ENAH: variants seen among roughly 807,000 people sequenced by gnomAD.
ENAH encodes ENAH actin regulator, also known as protein enabled homolog.
ENAH carries 23 observed loss-of-function variants against 78.7 expected under a neutral mutation model. That is an observed-to-expected ratio of 0.29 (90% confidence interval 0.21 to 0.41). ENAH has a LOEUF of 0.41. Among genes scored for constraint, ENAH ranks in the 10% least tolerant of loss-of-function variants. ENAH has a pLI of 1.00. For missense variants in ENAH, 544 were observed against 691.0 expected (o/e 0.79, Z 2.39); for synonymous variants, 226 against 241.0 (o/e 0.94, Z 0.58).
chr1:225,584,702 G>A (rs2096836735), intron 1 of ENAH, among the ~76,000 whole-genome samples: 1 of 151,014 alleles, frequency 6.6e-6, no homozygotes, highest in Admixed American at 6.6e-5. Context: ...ATAAACATTG[G>A]TAAGCAACAA....
chr1:225,519,119 A>G, intron 5 of ENAH, 79 bp downstream of exon 5: 1 of 1,534,748 alleles, frequency 6.5e-7, no homozygotes, highest in Non-Finnish European at 8.8e-7. Context: ...CAAATGTGAA[A>G]TATTTTAACA....
chr1:225,596,427 A>G (rs1490459529), intron 1 of ENAH, among the ~76,000 whole-genome samples: 1 of 152,216 alleles, frequency 6.6e-6, no homozygotes, highest in East Asian at 1.9e-4. Context: ...GATCTCTTAA[A>G]CAAAAAGGTT....
At chr1:225,621,675 T>C (rs923257683) in intron 1 of ENAH, among the ~76,000 whole-genome samples, 3 of 152,198 alleles carry the variant, frequency 2.0e-5, no homozygotes, top group Non-Finnish European at 2.9e-5. Flanking sequence ...AAATTCTTCA[T>C]TGGCTTTTGT....
chr1:225,597,350 A>C (rs2096906620), intron 1 of ENAH, among the ~76,000 whole-genome samples: 1 of 152,124 alleles, frequency 6.6e-6, no homozygotes, highest in Non-Finnish European at 1.5e-5. Flanking sequence ...AGACTGAGGA[A>C]TTGTTCTATA....
chr1:225,594,407 C>A (rs1384001205), intron 1 of ENAH, among the ~76,000 whole-genome samples: 1 of 152,130 alleles, frequency 6.6e-6, no homozygotes, highest in Non-Finnish European at 1.5e-5. Flanking sequence ...TCCTTCCTTT[C>A]CTCCATCACC....
chr1:225,576,070 T>C (rs536032936), intron 1 of ENAH, among the ~76,000 whole-genome samples: 2 of 152,188 alleles, frequency 1.3e-5, no homozygotes, highest in East Asian at 3.9e-4. Context: ...GAATCAGCTG[T>C]GCAGCCTGGG....
intron 1 of ENAH, among the ~76,000 whole-genome samples, chr1:225,571,545 A>T (rs1024100549): frequency 1.3e-5 from 2 of 152,006 alleles, no homozygotes; most frequent in Admixed American, 1.3e-4. Flanking sequence ...TTGGTATACT[A>T]ATGAGATGAT....
At chr1:225,630,613 AT>A (rs1464060667) in intron 1 of ENAH, among the ~76,000 whole-genome samples, 3 of 152,210 alleles carry the variant, frequency 2.0e-5, no homozygotes, top group Non-Finnish European at 4.4e-5. Flanking sequence ...TTTTATCACA[AT>A]TTTTAGAAGG....
At chr1:225,604,726 G>C (rs1026923108) in intron 1 of ENAH, among the ~76,000 whole-genome samples, 1 of 152,102 alleles carries the variant, frequency 6.6e-6, no homozygotes, top group Non-Finnish European at 1.5e-5. Flanking sequence ...CCATGAGGCA[G>C]GGGTTGCAGT....
rs1216310537 is a variant in ENAH, at chr1:225,489,237, C to T, written c.*8538G>A. 3 of 152,168 alleles carry T rather than the reference C, an allele frequency of 2.0e-5. No individual in the cohort carries two copies. The East Asian group carries it at 5.8e-4, about 29-fold the overall frequency. The allele number at this position is 152,168 out of a possible 1,614,324, so 9.4% of individuals were successfully genotyped here. A position where few individuals can be genotyped will look rare whatever the true frequency, so the allele number is the denominator to read the frequency against. ...GCATGGATCTCGTGTGGTCCCATTA[C>T]ATGATTGGAATCAGTCTTTCTGAAC... On this transcript the variant is annotated 3_prime_UTR_variant, in exon 14 of 14. Transcript: ENST00000366843.
intron 2 of ENAH, among the ~76,000 whole-genome samples, chr1:225,555,672 A>G (rs1295650750): frequency 1.3e-5 from 2 of 152,186 alleles, no homozygotes; most frequent in Admixed American, 6.5e-5. Flanking sequence ...CAAATACAAA[A>G]AAGTATACAC....
intron 1 of ENAH, among the ~76,000 whole-genome samples, chr1:225,602,114 CA>C (rs1298930453): frequency 2.0e-5 from 3 of 151,710 alleles, no homozygotes; most frequent in African/African-American, 7.3e-5. Context: ...AAAGAAGATC[CA>C]AAAGAAGAGA....
chr1:225,512,518 C>A, intron 9 of ENAH, 139 bp downstream of exon 9: 1 of 794,326 alleles, frequency 1.3e-6, no homozygotes, highest in Non-Finnish European at 1.9e-6. Flanking sequence ...CAAGCCACTT[C>A]ACATGCATAG....
At chr1:225,648,855 T>C (rs1662464038) in intron 1 of ENAH, among the ~76,000 whole-genome samples, 2 of 151,366 alleles carry the variant, frequency 1.3e-5, no homozygotes, top group Non-Finnish European at 2.9e-5. Context: ...CTGAAATGTA[T>C]ATAAAATTTA....
chr1:225,612,840 C>CAAAA (rs58398492), intron 1 of ENAH, among the ~76,000 whole-genome samples: 1 of 147,284 alleles, frequency 6.8e-6, no homozygotes, highest in African/African-American at 2.5e-5. Flanking sequence ...TACAATAATG[C>CAAAA]AAAAAAAAGG....
chr1:225,541,632 C>T (rs975291774), intron 3 of ENAH, among the ~76,000 whole-genome samples: 16 of 152,166 alleles, frequency 1.1e-4, no homozygotes, highest in Non-Finnish European at 2.1e-4. Context: ...TTGTTTATAA[C>T]ACAAAGTTTA....
In ENAH at chr1:225,519,190, C is replaced by T; in HGVS notation, c.802+8G>A. ...ACAAGAACACAGAAGAGTTTGTAAACTTCTTACCAGCACTTGATATTCTGC... is the reference window on the plus strand; with the variant it reads ...ACAAGAACACAGAAGAGTTTGTAAATTTCTTACCAGCACTTGATATTCTGC... On this transcript the variant is annotated splice_region_variant and intron_variant, in intron 5 of 13. Coordinates refer to ENST00000366843, the MANE Select transcript of ENAH (RefSeq NM_018212.6). 1 of 1,612,580 alleles carries T rather than the reference C, an allele frequency of 6.2e-7. No individual in the cohort carries two copies. The highest frequency in any genetic ancestry group is 8.5e-7 in the Non-Finnish European group (1 of 1,178,876).
chr1:225,583,128 C>G (rs929133130), intron 1 of ENAH, among the ~76,000 whole-genome samples: 5 of 152,010 alleles, frequency 3.3e-5, no homozygotes, highest in Admixed American at 2.0e-4. Flanking sequence ...AAAATGAAGG[C>G]AAATAAAGAT....
intron 1 of ENAH, among the ~76,000 whole-genome samples, chr1:225,633,750 TATTA>T (rs967017696): frequency 1.6e-4 from 24 of 152,318 alleles, no homozygotes; most frequent in African/African-American, 5.8e-4. Flanking sequence ...TATCTATTAA[TATTA>T]TTTATCAAAG....
Sources: gnomAD v4.1 joint callset for allele counts (sites outside exome capture counted in the v4.1 genomes callset) on GRCh38, gnomAD v4.1.1 for gene constraint, MANE v1.5 for transcripts, NCBI Gene and HGNC (gene_info 2026-07-23, HGNC 2026-07-21) for gene names.